The following F13A1 variants were observed in gnomAD, a reference collection of about 807,000 sequenced individuals.
The protein encoded by F13A1 is FSF, A subunit.
In F13A1, 47 loss-of-function variants were observed where a neutral mutation model predicts 80.1. That is an observed-to-expected ratio of 0.59 (90% confidence interval 0.46 to 0.75). The LOEUF (loss-of-function observed/expected upper bound fraction) is 0.75, where lower values mean the gene tolerates loss of function less well. Among genes scored for constraint, F13A1 ranks in the 30% least tolerant of loss-of-function variants. The pLI, the probability that F13A1 is intolerant of heterozygous loss-of-function variation, is 0.00. For synonymous variants in F13A1, 349 were observed against 344.9 expected (o/e 1.01, Z -0.13); for missense variants, 817 against 930.4 (o/e 0.88, Z 1.59).
chr6:6,171,676 T>G (rs1294463706), intron 12 of F13A1, among the ~76,000 whole-genome samples: 1 of 152,234 alleles, frequency 6.6e-6, no homozygotes, highest in Non-Finnish European at 1.5e-5. Flanking sequence ...ATGCCACATT[T>G]CTGCTCAAAA....
At chr6:6,263,541 C>T (rs1012978859) in intron 4 of F13A1, among the ~76,000 whole-genome samples, 4 of 152,126 alleles carry the variant, frequency 2.6e-5, no homozygotes, top group African/African-American at 7.2e-5. Context: ...CATTTGTGTC[C>T]GTTATTGCTC....
intron 11 of F13A1, among the ~76,000 whole-genome samples, chr6:6,177,799 G>A (rs1443245489): frequency 6.6e-6 from 1 of 152,200 alleles, no homozygotes; most frequent in Non-Finnish European, 1.5e-5. Context: ...CTGGGACGGA[G>A]GTTGGCCTGC....
At chr6:6,195,702 C>T (rs1414711739) in intron 10 of F13A1, 95 bp downstream of exon 10, 1 of 1,113,686 alleles carries the variant, frequency 9.0e-7, no homozygotes, top group Non-Finnish European at 1.3e-6. Flanking sequence ...ACGCTATGTA[C>T]CTGGAAAACT....
At chr6:6,252,354 A>G (rs1458020552) in intron 4 of F13A1, among the ~76,000 whole-genome samples, 1 of 152,238 alleles carries the variant, frequency 6.6e-6, no homozygotes, top group Non-Finnish European at 1.5e-5. Flanking sequence ...GATTTGTATT[A>G]GCTGCAATAA....
intron 3 of F13A1, among the ~76,000 whole-genome samples, chr6:6,296,088 C>T (rs1367194107): frequency 6.7e-6 from 1 of 148,960 alleles, no homozygotes; most frequent in Non-Finnish European, 1.5e-5. Context: ...GGGCTCTGTT[C>T]TGTTCCATTG....
rs570217609 is a variant in F13A1 at position 6,294,727 on chromosome 6, CT to C, written c.319+10623del. ...TGGTAGAGATTCTTTTTTTTTTAGT[CT>C]TTTTTTAAAAATTTATTTATTTATT... On this transcript the variant is annotated intron_variant, in intron 3 of 14. Transcript: ENST00000264870. 4.3e-4 allele frequency among the ~76,000 whole-genome samples: 56 copies of C among 129,132 alleles called. No homozygotes were observed. The South Asian group carries it at 0.01, about 23-fold the overall frequency. The allele number at this position is 129,132 out of a possible 152,430, so 84.7% of individuals were successfully genotyped here.
intron 6 of F13A1, among the ~76,000 whole-genome samples, chr6:6,232,965 GA>G (rs970421735): frequency 2.6e-5 from 4 of 152,082 alleles, no homozygotes; most frequent in Non-Finnish European, 1.5e-5. Context: ...GTGCTAGGAG[GA>G]AAGTTCATAG....
intron 4 of F13A1, among the ~76,000 whole-genome samples, chr6:6,254,155 C>T (rs899776203): frequency 3.9e-5 from 6 of 152,050 alleles, no homozygotes; most frequent in Admixed American, 1.3e-4. Context: ...AATGATTAAC[C>T]ACCAGTGCCA....
At chr6:6,191,819 C>T (rs1761206520) in intron 10 of F13A1, among the ~76,000 whole-genome samples, 1 of 152,222 alleles carries the variant, frequency 6.6e-6, no homozygotes, top group Non-Finnish European at 1.5e-5. Flanking sequence ...ACCCTAGATC[C>T]TGCTCTCAGC....
chr6:6,165,853 T>C (rs1760661906), intron 13 of F13A1, among the ~76,000 whole-genome samples: 1 of 152,256 alleles, frequency 6.6e-6, no homozygotes, highest in Admixed American at 6.5e-5. Context: ...TTTTCATTCT[T>C]TTCAGGCGTC....
intron 4 of F13A1, among the ~76,000 whole-genome samples, chr6:6,251,461 G>A (rs1282813121): frequency 2.0e-5 from 3 of 152,186 alleles, no homozygotes; most frequent in Admixed American, 6.6e-5. Context: ...ACTTGTGAAT[G>A]TGCAAGTATG....
At chr6:6,146,348 A>G (rs563994810) in intron 14 of F13A1, among the ~76,000 whole-genome samples, 11 of 152,248 alleles carry the variant, frequency 7.2e-5, no homozygotes, top group African/African-American at 2.2e-4. Context: ...TCCTATTTCA[A>G]CCACCAAATT....
At chr6:6,271,380 T>C (rs2113130109) in intron 3 of F13A1, among the ~76,000 whole-genome samples, 1 of 152,262 alleles carries the variant, frequency 6.6e-6, no homozygotes, top group South Asian at 2.1e-4. Flanking sequence ...CCAGCTACCC[T>C]GGGAAAACCC....
At chr6:6,208,565 A>G (rs1034912641) in intron 8 of F13A1, among the ~76,000 whole-genome samples, 1 of 150,854 alleles carries the variant, frequency 6.6e-6, no homozygotes, top group African/African-American at 2.4e-5. Context: ...AAAAACTCCA[A>G]GTAGGATAAA....
chr6:6,273,147 C>A (rs1001859842), intron 3 of F13A1, among the ~76,000 whole-genome samples: 106 of 152,308 alleles, frequency 7.0e-4, no homozygotes, highest in African/African-American at 2.3e-3. Context: ...TTTCCTATAA[C>A]AATTATTTGC....
intron 6 of F13A1, among the ~76,000 whole-genome samples, chr6:6,240,873 T>C (rs1276299808): frequency 6.6e-6 from 1 of 152,168 alleles, no homozygotes; most frequent in Non-Finnish European, 1.5e-5. Flanking sequence ...TAGAAATGAC[T>C]TTCATTCTTA....
intron 2 of F13A1, among the ~76,000 whole-genome samples, chr6:6,308,289 C>T (rs868520692): frequency 6.6e-6 from 1 of 152,110 alleles, no homozygotes; most frequent in Non-Finnish European, 1.5e-5. Context: ...TTCCAAAGTG[C>T]TAAGATTATA....
At chr6:6,184,388 C>T (rs1451143774) in intron 10 of F13A1, among the ~76,000 whole-genome samples, 3 of 152,236 alleles carry the variant, frequency 2.0e-5, no homozygotes, top group African/African-American at 7.2e-5. Flanking sequence ...GATGGTTCCA[C>T]ACTTGCGGCT....
intron 3 of F13A1, among the ~76,000 whole-genome samples, chr6:6,288,789 T>C (rs1758172574): frequency 6.6e-6 from 1 of 152,252 alleles, no homozygotes. Context: ...TAGGGTTCTC[T>C]ATTCCCTGCA....
Sources: allele counts gnomAD v4.1 joint callset (sites outside exome capture counted in the v4.1 genomes callset), GRCh38; gene constraint gnomAD v4.1.1; transcripts MANE v1.5; gene names NCBI Gene and HGNC (gene_info 2026-07-23, HGNC 2026-07-21).